The following DNMT3A variants were observed in gnomAD, a reference collection of about 807,000 sequenced individuals.
The protein encoded by DNMT3A is DNA methyltransferase 3 alpha, also known as DNA (cytosine-5)-methyltransferase 3A.
DNMT3A carries 267 observed loss-of-function variants against 117.6 expected under a neutral mutation model. The observed-to-expected ratio is 2.27, with a 90% CI of 2.05 to 2.51. The LOEUF (loss-of-function observed/expected upper bound fraction) is 2.51, where lower values mean the gene tolerates loss of function less well. Among genes scored for constraint, DNMT3A ranks in the 30% most tolerant of loss-of-function variants. The probability of loss-of-function intolerance (pLI) is 0.00; values close to 1 mark genes in which losing one functional copy is unlikely to be tolerated. For synonymous variants in DNMT3A, 432 were observed against 474.8 expected, an observed-to-expected ratio of 0.91 and a Z score of 1.17; for missense variants, 1,029 against 1,260.2, an observed-to-expected ratio of 0.82 and a Z score of 2.78.
intron 6 of DNMT3A, among the ~76,000 whole-genome samples, chr2:25,265,297 C>T (rs543562549): frequency 1.3e-5 from 2 of 152,140 alleles, no homozygotes; most frequent in African/African-American, 4.8e-5. Context: ...GAAAGCCGGG[C>T]CAGCTCTCTC....
chr2:25,292,203 AGC>A (rs2032809674), intron 3 of DNMT3A, among the ~76,000 whole-genome samples: 1 of 151,876 alleles, frequency 6.6e-6, no homozygotes, highest in Non-Finnish European at 1.5e-5. Context: ...AAAAAAAATT[AGC>A]CAGGCATGGT....
At chr2:25,242,510 T>C (rs1290405298) in intron 16 of DNMT3A, among the ~76,000 whole-genome samples, 1 of 152,060 alleles carries the variant, frequency 6.6e-6, no homozygotes, top group Admixed American at 6.5e-5. Flanking sequence ...GGCCTCAAGG[T>C]TCCAGTCTGG....
chr2:25,312,708 T>C (rs1483355393), intron 2 of DNMT3A, among the ~76,000 whole-genome samples: 2 of 152,084 alleles, frequency 1.3e-5, no homozygotes, highest in East Asian at 1.9e-4. Flanking sequence ...AATAGAACCA[T>C]TGATGGAAAA....
chr2:25,253,663 A>T (rs1675853882), intron 6 of DNMT3A, among the ~76,000 whole-genome samples: 1 of 152,256 alleles, frequency 6.6e-6, no homozygotes, highest in Non-Finnish European at 1.5e-5. Flanking sequence ...ATGAATGAGT[A>T]TTTTGGAAAA....
intron 1 of DNMT3A, among the ~76,000 whole-genome samples, chr2:25,323,334 C>T (rs1053408889): frequency 3.3e-5 from 5 of 152,126 alleles, no homozygotes; most frequent in Admixed American, 6.5e-5. Context: ...GAGGCAGGGA[C>T]GTCTCTGAAC....
chr2:25,244,488 C>T (rs1170191388), intron 14 of DNMT3A, 52 bp downstream of exon 14: 2 of 1,600,760 alleles, frequency 1.2e-6, no homozygotes, highest in African/African-American at 1.3e-5. Context: ...CGGTGGGCGG[C>T]GGGAGCCTGG....
At chr2:25,310,880 T>C (rs2034076262) in intron 2 of DNMT3A, among the ~76,000 whole-genome samples, 1 of 152,172 alleles carries the variant, frequency 6.6e-6, no homozygotes, top group African/African-American at 2.4e-5. Flanking sequence ...GAATGGGGCC[T>C]GAGCTTTGCC....
rs190366872 is a variant in DNMT3A at position 25,337,913 on chromosome 2, G to A, written c.-178+3913C>T. Among the ~76,000 whole-genome samples the A allele has an allele frequency of 2.0e-4, 31 of 152,284 alleles. No homozygotes were observed. The highest frequency in any genetic ancestry group is 6.0e-4 in the African/African-American group (25 of 41,558). On this transcript the variant is annotated intron_variant, in intron 1 of 22. Coordinates refer to ENST00000321117, the MANE Select transcript of DNMT3A (RefSeq NM_022552.5). This position sits in a 1 kb window ranked among gnomAD's most constrained non-coding sequence, Gnocchi z 5.0. ...CCTGCAGAAACCCAGCCTCAGGCCA[G>A]GTGGGCTTCTGACGGGCTCTCTGCT... is the stretch of plus-strand genomic sequence containing the variant.
intron 1 of DNMT3A, among the ~76,000 whole-genome samples, chr2:25,319,751 T>C (rs1032500039): frequency 8.6e-5 from 13 of 151,938 alleles, no homozygotes; most frequent in Non-Finnish European, 1.5e-4. Flanking sequence ...ACCCAGGAAC[T>C]GAATAGATTT....
chr2:25,309,152 C>T (rs6546071), intron 2 of DNMT3A, among the ~76,000 whole-genome samples: 4,663 of 152,332 alleles, frequency 0.031, 245 homozygotes, highest in African/African-American at 0.11. Flanking sequence ...GGCTTACCCA[C>T]CTCGATGTCT....
rs138898547 is a variant in DNMT3A at position 25,247,705 on chromosome 2, C to A, written c.900G>T (p.Leu300=). 4 of 1,613,468 alleles carry A rather than the reference C, an allele frequency of 2.5e-6. No individual in the cohort carries two copies. The African/African-American group carries it at 5.3e-5, about 22-fold the overall frequency. ...FGIGELVWGK[L]RGFSWWPGRI... is the part of the protein sequence containing the mutation. ...GGCCTGGCCACCAGGAGAAGCCCCG[C>A]AGTTTCCCCCACACCAGCTCCCCAA... Residue 300 remains leucine (L), a synonymous_variant, in exon 8 of 23, where the codon CTG becomes CTT. Transcript: ENST00000321117. This position sits in a 1 kb window ranked among gnomAD's most constrained non-coding sequence, Gnocchi z 5.6.
Position 25,246,031 on chromosome 2 carries a change from C to A in DNMT3A, c.1463G>T (p.Arg488Leu). The A allele has an allele frequency of 1.9e-6, 3 of 1,614,008 alleles. No individual in the cohort carries two copies. The highest frequency in any genetic ancestry group is 2.5e-6 in the Non-Finnish European group (3 of 1,179,928). Reference protein sequence around the residue: ...RLVYEVRQKCRNIEDICISCG... With the variant: ...RLVYEVRQKCLNIEDICISCG... ...GGCAACAAACTTACCCTCAATGTTCCGGCACTTCTGCCGCACCTCGTACAC... is the reference window on the plus strand; with the variant it reads ...GGCAACAAACTTACCCTCAATGTTCAGGCACTTCTGCCGCACCTCGTACAC... Residue 488 changes from arginine to leucine, a missense_variant, in exon 12 of 23, where the codon CGG becomes CTG. By Grantham distance (102) the Arg-to-Leu change is moderately radical (BLOSUM62 -2). Transcript: ENST00000321117.
rs1409504712 is a variant in DNMT3A, at chr2:25,252,892, G to GT, written c.640-4641dup. On this transcript the variant is annotated intron_variant, in intron 6 of 22. Coordinates refer to ENST00000321117, the MANE Select transcript of DNMT3A (RefSeq NM_022552.5). This position sits in a 1 kb window ranked among gnomAD's most constrained non-coding sequence, Gnocchi z 5.5. ...TTGGGAGCGCTCCAGATCGGGGATT[G>GT]TTTGGGGGGTCTCCCGCCTCCACAC... Among the ~76,000 whole-genome samples the GT allele has an allele frequency of 6.6e-6, 1 of 152,112 alleles. No individual in the cohort carries two copies. Among genetic ancestry groups the GT allele is most frequent in the Admixed American group, 6.5e-5 (1 of 15,270 alleles).
chr2:25,239,169 CT>C lies in DNMT3A; in HGVS notation c.2368del (p.Arg790GlyfsTer12). On this transcript the variant is annotated frameshift_variant, in exon 20 of 23. Coordinates refer to ENST00000321117, the MANE Select transcript of DNMT3A (RefSeq NM_022552.5). LOFTEE classifies it high-confidence loss of function. ...AAGGTTACCCCAGAAGTAGCGGGCC[CT>C]GTGTGCAGCTGACACTTCTTTGGCA... ...IDAKEVSAAH[R>X]ARYFWGNLPG... 1 of 1,614,114 alleles carries C rather than the reference CT, an allele frequency of 6.2e-7. No individual in the cohort carries two copies. Among genetic ancestry groups the C allele is most frequent in the Non-Finnish European group, 8.5e-7 (1 of 1,179,998 alleles).
rs983914660 is a variant in DNMT3A at position 25,304,972 on chromosome 2, G to C, written c.73-4729C>G. Among the ~76,000 whole-genome samples, 3 of 152,222 alleles carry C rather than the reference G, an allele frequency of 2.0e-5. No individual in the cohort carries two copies. The highest frequency in any genetic ancestry group is 4.4e-5 in the Non-Finnish European group (3 of 68,046). Reference sequence around the variant, plus strand: ...TAGTTCCCCTACCCAGCAAGGCAACGGTCAGCTCCTTGAGGGAAGTGTGGG... The same window carrying C: ...TAGTTCCCCTACCCAGCAAGGCAACCGTCAGCTCCTTGAGGGAAGTGTGGG... On this transcript the variant is annotated intron_variant, in intron 2 of 22. Coordinates refer to ENST00000321117, the MANE Select transcript of DNMT3A (RefSeq NM_022552.5). The surrounding 1 kb of genome is among the most constrained non-coding windows in gnomAD (Gnocchi z 4.3).
rs949638492 is a variant in DNMT3A at position 25,248,030 on chromosome 2, C to T, written c.855+7G>A. 9 of 1,611,684 alleles carry T rather than the reference C, an allele frequency of 5.6e-6. No homozygotes were observed. The highest frequency in any genetic ancestry group is 3.3e-5 in the South Asian group (3 of 90,966). The stretch of plus-strand genomic sequence containing the variant: ...AGCTGGCCACGGCTGGTGAAGAAGC[C>T]GCTCACCTCGTACTCTGGCTCGTCA... On this transcript the variant is annotated splice_region_variant and intron_variant, in intron 7 of 22. Coordinates refer to ENST00000321117, the MANE Select transcript of DNMT3A (RefSeq NM_022552.5).
Position 25,234,457 on chromosome 2 carries a change from T to C in DNMT3A, c.2598-37A>G. The C allele has an allele frequency of 6.3e-7, 1 of 1,587,322 alleles. No homozygotes were observed. Among genetic ancestry groups the C allele is most frequent in the Non-Finnish European group, 8.6e-7 (1 of 1,162,728 alleles). The stretch of plus-strand genomic sequence containing the variant: ...AAGGCAGAGAGGGCAGGGTGAGTGC[T>C]GGCCAGACCAGGCTGCCCGGAAGCC... On this transcript the variant is annotated intron_variant, in intron 22 of 22. Transcript: ENST00000321117. This position sits in a 1 kb window ranked among gnomAD's most constrained non-coding sequence, Gnocchi z 4.5.
chr2:25,291,446 T>C (rs1354424067), intron 3 of DNMT3A, among the ~76,000 whole-genome samples: 1 of 151,860 alleles, frequency 6.6e-6, no homozygotes, highest in African/African-American at 2.4e-5. Context: ...GGCCAGGGGG[T>C]CCCCAGATGC....
At chr2:25,316,912 C>T (rs994822194) in intron 1 of DNMT3A, among the ~76,000 whole-genome samples, 5 of 152,198 alleles carry the variant, frequency 3.3e-5, no homozygotes, top group African/African-American at 1.2e-4. Flanking sequence ...TCAAGGAATC[C>T]CACCATGAAA....
Sources: allele counts gnomAD v4.1 joint callset (sites outside exome capture counted in the v4.1 genomes callset), GRCh38; gene constraint gnomAD v4.1.1; non-coding constraint Gnocchi (gnomAD v3.1); transcripts MANE v1.5; gene names NCBI Gene and HGNC (gene_info 2026-07-23, HGNC 2026-07-21).